The following MACROD2 variants were observed in gnomAD, a reference collection of about 807,000 sequenced individuals.
The protein encoded by MACROD2 is ADP-ribose glycohydrolase MACROD2.
In MACROD2, 36 loss-of-function variants were observed where a neutral mutation model predicts 70.4. The ratio of observed to expected loss-of-function variants is 0.51; its 90% CI spans 0.39 to 0.68. The LOEUF (loss-of-function observed/expected upper bound fraction) is 0.68. Among genes scored for constraint, MACROD2 ranks in the 30% least tolerant of loss-of-function variants. MACROD2 has a pLI of 0.00. For synonymous variants in MACROD2, 172 were observed against 178.8 expected (o/e 0.96, Z 0.30); for missense variants, 496 against 538.4 (o/e 0.92, Z 0.78).
chr20:15,559,398 T>C (rs17693165), intron 8 of MACROD2, among the ~76,000 whole-genome samples: 13,692 of 152,238 alleles, frequency 0.09, 746 homozygotes, highest in South Asian at 0.17. Flanking sequence ...AAACAAATGT[T>C]AGTTGAGTAA....
chr20:15,485,868 G>A (rs1044792619), intron 7 of MACROD2, among the ~76,000 whole-genome samples: 3 of 152,030 alleles, frequency 2.0e-5, no homozygotes, highest in African/African-American at 7.2e-5. Context: ...ACCAGCCAAG[G>A]GGATGTTTTA....
chr20:15,635,504 G>T (rs2049349345), intron 8 of MACROD2, among the ~76,000 whole-genome samples: 1 of 151,962 alleles, frequency 6.6e-6, no homozygotes, highest in African/African-American at 2.4e-5. Context: ...GCCAAATACT[G>T]TATGTTCTCT....
At chr20:14,955,029 T>TA (rs375012731) in intron 5 of MACROD2, among the ~76,000 whole-genome samples, 2 of 62,412 alleles carry the variant, frequency 3.2e-5, no homozygotes, top group African/African-American at 8.4e-5. Context: ...TATTATATAT[T>TA]TATATTATAT....
chr20:15,735,693 T>G (rs2051009607), intron 8 of MACROD2, among the ~76,000 whole-genome samples: 1 of 152,234 alleles, frequency 6.6e-6, no homozygotes, highest in Non-Finnish European at 1.5e-5. Context: ...TTGCAGTGCA[T>G]GTTTCCATTT....
At chr20:14,441,830 T>C (rs773267353) in intron 3 of MACROD2, among the ~76,000 whole-genome samples, 1 of 151,558 alleles carries the variant, frequency 6.6e-6, no homozygotes, top group Non-Finnish European at 1.5e-5. Flanking sequence ...TAGTTATCAT[T>C]ATCACTGAGA....
At chr20:15,635,317 C>G (rs2049347005) in intron 8 of MACROD2, among the ~76,000 whole-genome samples, 1 of 152,154 alleles carries the variant, frequency 6.6e-6, no homozygotes, top group Non-Finnish European at 1.5e-5. Context: ...TAACGAATGG[C>G]AAAACCAGTG....
rs183023201 is a variant in MACROD2, at chr20:15,170,974, A to G, written c.419-58966A>G. Among the ~76,000 whole-genome samples, 5 of 152,292 alleles carry G rather than the reference A, an allele frequency of 3.3e-5. No homozygotes were observed. The East Asian group carries it at 7.8e-4, about 24-fold the overall frequency. On this transcript the variant is annotated intron_variant, in intron 5 of 17. Coordinates refer to ENST00000684519, the MANE Select transcript of MACROD2 (RefSeq NM_001351661.2). ...GCCTGGGTGGAAAGTTTTACTCAGT[A>G]TGGCAGGGCGGTCGCTGTCATCTAA...
chr20:15,464,745 G>A (rs971752171), intron 7 of MACROD2, among the ~76,000 whole-genome samples: 12 of 152,192 alleles, frequency 7.9e-5, no homozygotes, highest in Middle Eastern at 3.4e-3. Context: ...CTTCTTAGCC[G>A]TCCCTGGAAA....
chr20:15,753,159 TAC>T, intron 8 of MACROD2, among the ~76,000 whole-genome samples: 1 of 152,082 alleles, frequency 6.6e-6, no homozygotes, highest in Non-Finnish European at 1.5e-5. Flanking sequence ...ATTCAGGAGG[TAC>T]ACGTGCAGAT....
At chr20:14,378,549 C>T (rs909189240) in intron 3 of MACROD2, among the ~76,000 whole-genome samples, 3 of 152,196 alleles carry the variant, frequency 2.0e-5, no homozygotes, top group African/African-American at 7.2e-5. Context: ...TCTTCCCTTA[C>T]TCCCAAGAGC....
chr20:15,902,739 A>T (rs367807755), intron 10 of MACROD2, among the ~76,000 whole-genome samples: 1 of 152,140 alleles, frequency 6.6e-6, no homozygotes, highest in South Asian at 2.1e-4. Flanking sequence ...GCGCCAAGAT[A>T]TAAGTCATGT....
intron 5 of MACROD2, among the ~76,000 whole-genome samples, chr20:15,123,849 C>A (rs2076047752): frequency 6.6e-6 from 1 of 152,170 alleles, no homozygotes; most frequent in African/African-American, 2.4e-5. Context: ...CCATGACACA[C>A]ATACAAATGT....
intron 4 of MACROD2, among the ~76,000 whole-genome samples, chr20:14,605,125 G>A (rs1982721004): frequency 6.6e-6 from 1 of 152,158 alleles, no homozygotes; most frequent in South Asian, 2.1e-4. Flanking sequence ...GTTCCAGATA[G>A]CTAGTAAAGG....
chr20:14,439,115 CA>C (rs1171413586), intron 3 of MACROD2, among the ~76,000 whole-genome samples: 2 of 152,110 alleles, frequency 1.3e-5, no homozygotes, highest in Non-Finnish European at 2.9e-5. Flanking sequence ...TATTATTTCG[CA>C]TGTGGAAATC....
chr20:14,281,933 C>CAA (rs571115190), intron 3 of MACROD2, among the ~76,000 whole-genome samples: 2,586 of 96,106 alleles, frequency 0.027, 79 homozygotes, highest in African/African-American at 0.065. Flanking sequence ...GACTCCCTCT[C>CAA]AAAAAAAAAA....
intron 8 of MACROD2, among the ~76,000 whole-genome samples, chr20:15,762,747 G>T (rs899328493): frequency 8.5e-5 from 13 of 152,136 alleles, no homozygotes; most frequent in African/African-American, 2.9e-4. Context: ...AAACTGTTCT[G>T]GTGACTTGCT....
At chr20:14,289,096 C>G (rs893085720) in intron 3 of MACROD2, among the ~76,000 whole-genome samples, 1 of 152,192 alleles carries the variant, frequency 6.6e-6, no homozygotes, top group Non-Finnish European at 1.5e-5. Flanking sequence ...GAGAATTGCT[C>G]TGTCTCCTTG....
At chr20:14,131,937 C>G (rs550750560) in intron 3 of MACROD2, among the ~76,000 whole-genome samples, 37 of 152,058 alleles carry the variant, frequency 2.4e-4, no homozygotes, top group Non-Finnish European at 4.7e-4. Context: ...CGAGACCATC[C>G]TGGCCAACAC....
At chr20:15,571,476 T>C (rs1370726374) in intron 8 of MACROD2, among the ~76,000 whole-genome samples, 1 of 152,036 alleles carries the variant, frequency 6.6e-6, no homozygotes, top group African/African-American at 2.4e-5. Flanking sequence ...CCCTACTAAT[T>C]GCATTACAAA....
Sources: gnomAD v4.1 joint callset for allele counts (sites outside exome capture counted in the v4.1 genomes callset) on GRCh38, gnomAD v4.1.1 for gene constraint, MANE v1.5 for transcripts, NCBI Gene and HGNC (gene_info 2026-07-23, HGNC 2026-07-21) for gene names.